Variants in SMG6 observed in about 807,000 individuals in gnomAD.
SMG6 encodes telomerase-binding protein EST1A.
In SMG6, 66 loss-of-function variants were observed where a neutral mutation model predicts 142.2. The observed-to-expected ratio is 0.46, with a 90% CI of 0.38 to 0.57. The LOEUF (loss-of-function observed/expected upper bound fraction) is 0.57, where lower values mean the gene tolerates loss of function less well. Among genes scored for constraint, SMG6 ranks in the 20% least tolerant of loss-of-function variants. SMG6 has a pLI of 0.00. For synonymous variants in SMG6, 779 were observed against 702.4 expected (o/e 1.11, Z -1.72); for missense variants, 1,793 against 1,832.0 (o/e 0.98, Z 0.39).
chr17:2,276,797 T>C (rs1432884744), intron 8 of SMG6, among the ~76,000 whole-genome samples: 1 of 152,186 alleles, frequency 6.6e-6, no homozygotes, highest in South Asian at 2.1e-4. Context: ...TTTTGTTTTT[T>C]TGAGATGGAG....
intron 13 of SMG6, among the ~76,000 whole-genome samples, chr17:2,093,415 C>T (rs540505258): frequency 2.1e-4 from 32 of 151,906 alleles, no homozygotes; most frequent in East Asian, 1.9e-4. Context: ...AGAGTGATAT[C>T]GTGACTCAAA....
At chr17:2,262,282 T>C (rs1017061167) in intron 8 of SMG6, among the ~76,000 whole-genome samples, 1 of 152,226 alleles carries the variant, frequency 6.6e-6, no homozygotes, top group East Asian at 1.9e-4. Flanking sequence ...GGCATGACTT[T>C]AGAGTGAGTC....
chr17:2,242,490 A>T (rs2073830073), intron 9 of SMG6, among the ~76,000 whole-genome samples: 1 of 150,802 alleles, frequency 6.6e-6, no homozygotes, highest in Non-Finnish European at 1.5e-5. Context: ...AGATCGCGCC[A>T]CTGCACTCCA....
At chr17:2,231,814 T>C (rs760359335) in intron 10 of SMG6, among the ~76,000 whole-genome samples, 1 of 150,650 alleles carries the variant, frequency 6.6e-6, no homozygotes, top group Non-Finnish European at 1.5e-5. Flanking sequence ...CAATAGCACG[T>C]GCAAGAAGTG....
Position 2,282,793 on chromosome 17 carries a change from T to C in SMG6, c.2515A>G (p.Lys839Glu). Residue 839 changes from lysine to glutamate, a missense_variant, in exon 8 of 19, where the codon AAG (lysine) becomes GAG (glutamate). Physicochemically the swap from Lys to Glu is moderately conservative, Grantham distance 56. Around this residue, in one of 3 missense-constraint regions of SMG6, gnomAD observed 1,597 missense variants for 1,584.6 expected, o/e 1.01. Transcript: ENST00000263073. ...DLSPDQWRKG[K>E]KSTFRHVGDD... ...CCAACATGCCGGAAAGTAGACTTCT[T>C]TCCTTTCCGCCACTGGTCAGGGCTC... 2 of 1,614,228 alleles carry C rather than the reference T, an allele frequency of 1.2e-6. No individual in the cohort carries two copies. Among genetic ancestry groups the C allele is most frequent in the Non-Finnish European group, 1.7e-6 (2 of 1,180,052 alleles).
intron 3 of SMG6, 114 bp downstream of exon 3, chr17:2,297,749 G>T: frequency 1.7e-6 from 2 of 1,173,442 alleles, no homozygotes; most frequent in Non-Finnish European, 2.4e-6. Flanking sequence ...CAAGAAAAGG[G>T]CAGTTTTTTT....
At position 2,288,697 on chromosome 17, in the gene SMG6, G is replaced by C. The variant is rs543109082; in HGVS notation, c.2337+3855C>G. Reference sequence around the variant, plus strand: ...GTATCCTAGCACTTTGAGAGGCTGAGGTGGGCAGATCACTTAGGAGCTCAG... The same window carrying C: ...GTATCCTAGCACTTTGAGAGGCTGACGTGGGCAGATCACTTAGGAGCTCAG... On this transcript the variant is annotated intron_variant, in intron 6 of 18. Transcript: ENST00000263073. Among the ~76,000 whole-genome samples, 79 of 151,894 alleles carry C rather than the reference G, an allele frequency of 5.2e-4. 3 individuals carry two copies. In the South Asian group the frequency reaches 0.016, roughly 31 times the overall value.
chr17:2,256,176 T>C (rs1165073335), intron 8 of SMG6: 1 of 143,260 alleles, frequency 7.0e-6, no homozygotes, highest in African/African-American at 2.6e-5. Flanking sequence ...CCAAGAATGA[T>C]CAATAAAATA....
chr17:2,065,356 G>T, intron 17 of SMG6, 112 bp downstream of exon 17: 1 of 1,135,952 alleles, frequency 8.8e-7, no homozygotes, highest in Non-Finnish European at 1.3e-6. Flanking sequence ...GGGCCTCCAT[G>T]GTGGCTGGCC....
chr17:2,141,932 A>G (rs1052243459), intron 13 of SMG6, among the ~76,000 whole-genome samples: 2 of 152,228 alleles, frequency 1.3e-5, no homozygotes, highest in Admixed American at 1.3e-4. Context: ...TTATAGTTAC[A>G]ATCACTGTTT....
chr17:2,144,269 C>G lies in SMG6; in HGVS notation c.3357+28389G>C, dbSNP rs8079479. 2.6e-5 allele frequency among the ~76,000 whole-genome samples: 4 copies of G among 152,008 alleles called. No homozygotes were observed. In the East Asian group the frequency reaches 7.8e-4, roughly 29 times the overall value. On this transcript the variant is annotated intron_variant, in intron 13 of 18. Transcript: ENST00000263073. ...AGACGGGGTTTCGCCTTGTTGACCT[C>G]GAGACCAGGCTGGTCTCAAACTCCT...
intron 9 of SMG6, among the ~76,000 whole-genome samples, chr17:2,238,250 C>T (rs945023931): frequency 6.6e-6 from 1 of 152,348 alleles, no homozygotes; most frequent in African/African-American, 2.4e-5. Context: ...CCAGTTCCCT[C>T]CTCTGCTGAG....
chr17:2,070,835 T>C (rs1384293226), intron 15 of SMG6, among the ~76,000 whole-genome samples: 3 of 152,090 alleles, frequency 2.0e-5, no homozygotes, highest in South Asian at 2.1e-4. Context: ...ACCCTCTACA[T>C]AGGGCTGCCA....
In SMG6 at chr17:2,300,653, C is replaced by T. The variant is rs776858142; in HGVS notation, c.100G>A (p.Glu34Lys). ...PQAGSRENMK[E>K]LKEARPRKDN... ...TTGCGCGGCCTGGCCTCCTTTAATT[C>T]CTTCATGTTTTCTGTTATGTCGGGG... The change falls in exon 2 of 19, where the codon GAA becomes AAA. Residue 34 changes from glutamate (E) to lysine (K), a missense_variant. Transcript: ENST00000263073. 15 of 1,579,528 alleles carry T rather than the reference C, an allele frequency of 9.5e-6. No individual in the cohort carries two copies. The highest frequency in any genetic ancestry group is 1.9e-5 in the Admixed American group (1 of 51,528).
intron 9 of SMG6, among the ~76,000 whole-genome samples, chr17:2,241,574 GA>G (rs2073801106): frequency 6.6e-6 from 1 of 152,148 alleles, no homozygotes; most frequent in Non-Finnish European, 1.5e-5. Context: ...TAAAAAGAGA[GA>G]TGGGGTCTTC....
chr17:2,255,364 A>G (rs1221466878), intron 8 of SMG6, among the ~76,000 whole-genome samples: 3 of 134,196 alleles, frequency 2.2e-5, no homozygotes, highest in Non-Finnish European at 4.6e-5. Flanking sequence ...AGATCGCGCC[A>G]CTGCACTCCA....
rs77237774 is a variant in SMG6 at position 2,222,549 on chromosome 17, CGGGGGGGGGGGGGG to C, written c.2869+13929_2869+13942del. On this transcript the variant is annotated intron_variant, in intron 10 of 18. Transcript: ENST00000263073. ...AGCTCAGAGAGAGGCAATGCGGGGG[CGGGGGGGGGGGGGG>C]GGGGCAGGAGAAGAGGTCCATATAT... is the stretch of plus-strand genomic sequence containing the variant. 6.7e-4 allele frequency among the ~76,000 whole-genome samples: 5 copies of C among 7,486 alleles called. 1 individual carries two copies. Among genetic ancestry groups the C allele is most frequent in the African/African-American group, 2.0e-3 (5 of 2,470 alleles). The allele number at this position is 7,486 out of a possible 152,430, so 4.9% of individuals were successfully genotyped here. A position where few individuals can be genotyped will look rare whatever the true frequency, so the allele number is the denominator to read the frequency against.
chr17:2,246,801 C>T (rs770821444), intron 8 of SMG6, among the ~76,000 whole-genome samples: 2 of 152,118 alleles, frequency 1.3e-5, no homozygotes, highest in Non-Finnish European at 2.9e-5. Flanking sequence ...CAAAAATTAG[C>T]TGGGTGTGGT....
intron 6 of SMG6, among the ~76,000 whole-genome samples, chr17:2,290,687 A>G (rs1269363306): frequency 6.6e-6 from 1 of 152,230 alleles, no homozygotes; most frequent in East Asian, 1.9e-4. Context: ...CTGGAAGAAA[A>G]TAGATGCAAA....
Sources: allele counts gnomAD v4.1 joint callset (sites outside exome capture counted in the v4.1 genomes callset), GRCh38; gene constraint gnomAD v4.1.1; regional missense constraint gnomAD v4.1.1; transcripts MANE v1.5; gene names NCBI Gene and HGNC (gene_info 2026-07-23, HGNC 2026-07-21).